DPP6: variants seen among roughly 807,000 people sequenced by gnomAD.
DPP6 encodes the protein A-type potassium channel modulatory protein DPP6.
DPP6 carries 69 observed loss-of-function variants against 122.6 expected under a neutral mutation model. That is an observed-to-expected ratio of 0.56 (90% CI 0.46 to 0.69). The LOEUF (loss-of-function observed/expected upper bound fraction) is 0.69, where lower values mean the gene tolerates loss of function less well. Among genes scored for constraint, DPP6 ranks in the 30% least tolerant of loss-of-function variants. DPP6 has a pLI of 0.00. For synonymous variants in DPP6, 418 were observed against 433.1 expected, an observed-to-expected ratio of 0.97 and a Z score of 0.43; for missense variants, 928 against 1,116.9, an observed-to-expected ratio of 0.83 and a Z score of 2.41.
At chr7:154,557,619 A>G (rs570627920) in intron 4 of DPP6, among the ~76,000 whole-genome samples, 1 of 152,172 alleles carries the variant, frequency 6.6e-6, no homozygotes, top group African/African-American at 2.4e-5. Context: ...CCCTCCTAAC[A>G]TAAACAACTA....
intron 7 of DPP6, among the ~76,000 whole-genome samples, chr7:154,687,486 A>C (rs112239895): frequency 6.6e-5 from 10 of 152,260 alleles, no homozygotes; most frequent in African/African-American, 1.9e-4. Flanking sequence ...TTTTCTATTC[A>C]TGTCACAACT....
At chr7:154,681,184 C>T (rs1030454260) in intron 7 of DPP6, among the ~76,000 whole-genome samples, 1 of 152,168 alleles carries the variant, frequency 6.6e-6, no homozygotes, top group African/African-American at 2.4e-5. Context: ...TAAAACCGGG[C>T]CTGACCTGCT....
intron 4 of DPP6, among the ~76,000 whole-genome samples, chr7:154,552,818 A>G (rs556949656): frequency 6.6e-6 from 1 of 152,366 alleles, no homozygotes; most frequent in South Asian, 2.1e-4. Context: ...TACAGGGCTT[A>G]TAATCATTGG....
intron 1 of DPP6, among the ~76,000 whole-genome samples, chr7:153,957,056 T>C (rs1802494858): frequency 6.6e-6 from 1 of 152,212 alleles, no homozygotes; most frequent in South Asian, 2.1e-4. Flanking sequence ...TTCTTTATAT[T>C]GTTTCTAAAT....
At chr7:154,069,522 T>C (rs1802968022) in intron 1 of DPP6, among the ~76,000 whole-genome samples, 1 of 151,700 alleles carries the variant, frequency 6.6e-6, no homozygotes, top group Non-Finnish European at 1.5e-5. Context: ...TTATTCTTAT[T>C]TGGAATTAAG....
chr7:154,063,201 G>GA (rs1802292763), intron 1 of DPP6, among the ~76,000 whole-genome samples: 1 of 125,326 alleles, frequency 8.0e-6, no homozygotes, highest in African/African-American at 2.9e-5. Flanking sequence ...TCGCAGGGTT[G>GA]GGGAGGCACC....
At chr7:154,657,011 C>T (rs879026800) in intron 6 of DPP6, among the ~76,000 whole-genome samples, 1 of 89,772 alleles carries the variant, frequency 1.1e-5, no homozygotes, top group Non-Finnish European at 2.0e-5. Context: ...GAGGAGGTGC[C>T]CAGAGATGAG....
At chr7:154,683,312 A>G (rs986072810) in intron 7 of DPP6, among the ~76,000 whole-genome samples, 43 of 152,192 alleles carry the variant, frequency 2.8e-4, no homozygotes, top group Non-Finnish European at 3.5e-4. Context: ...GACTCAGTTC[A>G]TTCATAAATC....
intron 1 of DPP6, among the ~76,000 whole-genome samples, chr7:153,931,912 G>C (rs565966651): frequency 6.6e-6 from 1 of 152,218 alleles, no homozygotes; most frequent in South Asian, 2.1e-4. Flanking sequence ...AACAATCTTC[G>C]TGCACCGGCT....
intron 1 of DPP6, among the ~76,000 whole-genome samples, chr7:154,437,521 G>C (rs780459355): frequency 6.6e-6 from 1 of 152,172 alleles, no homozygotes. Flanking sequence ...TTGAAAATCT[G>C]TTAAGGTAAT....
intron 1 of DPP6, among the ~76,000 whole-genome samples, chr7:153,901,649 G>C (rs902256885): frequency 5.3e-5 from 8 of 152,222 alleles, no homozygotes; most frequent in African/African-American, 1.9e-4. Context: ...TGGCATTGCT[G>C]TTCAATAGGG....
rs543268262 is a variant in DPP6 at position 154,829,211 on chromosome 7, T to G, written c.1666+22099T>G. Among the ~76,000 whole-genome samples the G allele has an allele frequency of 4.3e-5, 4 of 92,334 alleles. No homozygotes were observed. The East Asian group carries it at 1.2e-3, about 27-fold the overall frequency. The allele number at this position is 92,334 out of a possible 152,430, so 60.6% of individuals were successfully genotyped here. A position where few individuals can be genotyped will look rare whatever the true frequency, so the allele number is the denominator to read the frequency against. ...CAGCCTGGGCAACATGGCAAAACCA[T>G]GTCTCTACAAAAAATACAAAAATTA... On this transcript the variant is annotated intron_variant, in intron 16 of 25. Transcript: ENST00000377770.
At chr7:153,828,351 A>G in the DPP6 span, among the ~76,000 whole-genome samples, 3 of 152,182 alleles carry the variant, frequency 2.0e-5, no homozygotes, top group Admixed American at 2.0e-4. Flanking sequence ...AATGGAATCT[A>G]CACGTGGGAT....
intron 7 of DPP6, among the ~76,000 whole-genome samples, chr7:154,670,523 A>T (rs779135284): frequency 1.7e-4 from 26 of 152,138 alleles, no homozygotes; most frequent in Non-Finnish European, 3.2e-4. Context: ...TTTGACTAAA[A>T]CTTGGTTATA....
intron 4 of DPP6, among the ~76,000 whole-genome samples, chr7:154,551,009 T>C (rs1365572423): frequency 2.0e-5 from 3 of 152,290 alleles, no homozygotes; most frequent in Admixed American, 2.0e-4. Context: ...TCTGACAAAA[T>C]TGGGACCTAT....
chr7:153,768,912 T>A, the DPP6 span, among the ~76,000 whole-genome samples: 27 of 152,288 alleles, frequency 1.8e-4, no homozygotes, highest in East Asian at 5.0e-3. Flanking sequence ...AGGTTAATTC[T>A]AACACCAAAC....
At chr7:153,989,930 C>T (rs1318323173) in intron 1 of DPP6, among the ~76,000 whole-genome samples, 5 of 149,750 alleles carry the variant, frequency 3.3e-5, no homozygotes, top group African/African-American at 9.9e-5. Flanking sequence ...CTCGCAGTGG[C>T]CAGCCCCGCC....
intron 1 of DPP6, among the ~76,000 whole-genome samples, chr7:154,076,722 G>A (rs1803578930): frequency 6.6e-6 from 1 of 151,938 alleles, no homozygotes; most frequent in Non-Finnish European, 1.5e-5. Context: ...TTTTAAGCAT[G>A]GCGTGAAACA....
At chr7:154,567,177 T>C (rs1268791331) in intron 5 of DPP6, among the ~76,000 whole-genome samples, 1 of 152,178 alleles carries the variant, frequency 6.6e-6, no homozygotes, top group East Asian at 1.9e-4. Flanking sequence ...AACTTGTCTC[T>C]TCATAGACAC....
Sources: gnomAD v4.1 joint callset for allele counts (sites outside exome capture counted in the v4.1 genomes callset) on GRCh38, gnomAD v4.1.1 for gene constraint, MANE v1.5 for transcripts, NCBI Gene and HGNC (gene_info 2026-07-23, HGNC 2026-07-21) for gene names.